Variants in RBM6 observed in about 807,000 individuals in gnomAD.
RBM6 encodes the protein RNA-binding protein 6.
RBM6 carries 23 observed loss-of-function variants against 140.4 expected under a neutral mutation model. The observed-to-expected ratio is 0.16, with a 90% CI of 0.12 to 0.23. The LOEUF (loss-of-function observed/expected upper bound fraction) is 0.23, where lower values mean the gene tolerates loss of function less well. Among genes scored for constraint, RBM6 ranks in the 10% least tolerant of loss-of-function variants. RBM6 has a pLI of 1.00. For missense variants in RBM6, 1,139 were observed against 1,386.7 expected (o/e 0.82, Z 2.84); for synonymous variants, 439 against 475.6 (o/e 0.92, Z 1.00).
chr3:49,980,009 T>A lies in RBM6; in HGVS notation c.1483+4617T>A, dbSNP rs74720219. On this transcript the variant is annotated intron_variant, in intron 5 of 20. Transcript: ENST00000266022. Reference sequence around the variant, plus strand: ...GTTAGAGAACATCTTTTTTCTTTTCTTTTTTTTTTTAAACGGAGTCTCGTT... The same window carrying A: ...GTTAGAGAACATCTTTTTTCTTTTCATTTTTTTTTTAAACGGAGTCTCGTT... Among the ~76,000 whole-genome samples the A allele has an allele frequency of 3.4e-3, 496 of 147,308 alleles. 4 individuals are homozygous for A. Among genetic ancestry groups the A allele is most frequent in the African/African-American group, 0.012 (486 of 40,502 alleles).
In RBM6 at chr3:49,942,098, C is replaced by CAA. The variant is rs71631037; in HGVS notation, c.-67+1885_-67+1886dup. Reference sequence around the variant, plus strand: ...CCTGGGCCACAGAACAAGACTGTCTCAAAAAAAAAAAAATCAATTAAATAA... The same window carrying CAA: ...CCTGGGCCACAGAACAAGACTGTCTCAAAAAAAAAAAAAAATCAATTAAATAA... On this transcript the variant is annotated intron_variant, in intron 1 of 20. Transcript: ENST00000266022. Among the ~76,000 whole-genome samples the CAA allele has an allele frequency of 8.4e-3, 1,166 of 138,956 alleles. 19 individuals are homozygous for CAA. Among genetic ancestry groups the CAA allele is most frequent in the African/African-American group, 0.027 (1,015 of 38,094 alleles). 91.2% of individuals were successfully genotyped at this position (138,956 alleles called of 152,430 possible).
chr3:50,004,030 A>G (rs999158408), intron 6 of RBM6, among the ~76,000 whole-genome samples: 2 of 152,094 alleles, frequency 1.3e-5, no homozygotes, highest in Non-Finnish European at 2.9e-5. Flanking sequence ...AGTAAGAAGT[A>G]TTGTGTTAAA....
intron 4 of RBM6, among the ~76,000 whole-genome samples, chr3:49,972,909 C>T (rs1285244980): frequency 6.6e-6 from 1 of 151,436 alleles, no homozygotes; most frequent in Non-Finnish European, 1.5e-5. Context: ...TGGTGCACTG[C>T]AACCTCCACC....
At chr3:50,042,777 G>T (rs1271956517) in intron 6 of RBM6, among the ~76,000 whole-genome samples, 1 of 152,044 alleles carries the variant, frequency 6.6e-6, no homozygotes, top group African/African-American at 2.4e-5. Context: ...TATCCTTGAT[G>T]ATTGGTTTTG....
intron 4 of RBM6, among the ~76,000 whole-genome samples, chr3:49,974,229 T>C (rs537747603): frequency 6.6e-6 from 1 of 151,834 alleles, no homozygotes; most frequent in African/African-American, 2.4e-5. Flanking sequence ...AATTTTTAAA[T>C]ATTTATTTAT....
In RBM6 at chr3:50,054,526, G is replaced by A. The variant is rs929162433; in HGVS notation, c.1693+131G>A. 21 of 780,858 alleles carry A rather than the reference G, an allele frequency of 2.7e-5. No individual in the cohort carries two copies. In the African/African-American group the frequency reaches 3.6e-4, roughly 13 times the overall value. 48.4% of individuals were successfully genotyped at this position (780,858 alleles called of 1,614,324 possible). On this transcript the variant is annotated intron_variant, in intron 8 of 20. Coordinates refer to ENST00000266022, the MANE Select transcript of RBM6 (RefSeq NM_005777.3). ...TACAAACCTTTTTTTTTTTTTTTGA[G>A]ATGGAGTCTCGCTGTGTTGCCCAGG...
chr3:49,971,279 A>AC (rs1016840826), intron 3 of RBM6, among the ~76,000 whole-genome samples: 10 of 149,302 alleles, frequency 6.7e-5, no homozygotes, highest in African/African-American at 2.5e-4. Flanking sequence ...AAAAAAAAAA[A>AC]AAAACGAAAA....
At chr3:49,941,596 C>G (rs527706813) in intron 1 of RBM6, among the ~76,000 whole-genome samples, 3 of 138,818 alleles carry the variant, frequency 2.2e-5, no homozygotes, top group African/African-American at 8.5e-5. Flanking sequence ...GCTGAGATTG[C>G]TCCATTGCAC....
intron 1 of RBM6, among the ~76,000 whole-genome samples, chr3:49,948,827 ATTT>A (rs767843268): frequency 5.1e-5 from 5 of 98,866 alleles, no homozygotes; most frequent in Non-Finnish European, 1.0e-4. Flanking sequence ...TACATACCCA[ATTT>A]TTTTTTTTTT....
At chr3:49,976,037 G>T (rs1404231287) in intron 5 of RBM6, among the ~76,000 whole-genome samples, 1 of 152,064 alleles carries the variant, frequency 6.6e-6, no homozygotes, top group Non-Finnish European at 1.5e-5. Context: ...GAAATGCCAA[G>T]AACTCAAGGT....
intron 7 of RBM6, among the ~76,000 whole-genome samples, chr3:50,053,792 A>G (rs1406066226): frequency 6.6e-6 from 1 of 152,208 alleles, no homozygotes; most frequent in Non-Finnish European, 1.5e-5. Context: ...AATTACATTC[A>G]CATTAAAAAT....
intron 1 of RBM6, among the ~76,000 whole-genome samples, chr3:49,952,157 C>T (rs1214513398): frequency 1.3e-5 from 2 of 151,994 alleles, no homozygotes; most frequent in Admixed American, 6.6e-5. Context: ...GCCTCAGCCT[C>T]CCGAGTATAT....
intron 4 of RBM6, 118 bp from the exon 5 acceptor site, chr3:49,975,205 T>G: frequency 2.3e-6 from 2 of 864,848 alleles, no homozygotes; most frequent in Non-Finnish European, 3.8e-6. Flanking sequence ...AGTTTAACTT[T>G]GCTTTTCCAA....
At chr3:50,061,875 C>G in intron 14 of RBM6, 87 bp from the exon 15 acceptor site, 1 of 1,506,172 alleles carries the variant, frequency 6.6e-7, no homozygotes, top group Non-Finnish European at 8.9e-7. Flanking sequence ...TGTTTCTTCC[C>G]CTAAAAGGGA....
chr3:50,009,944 G>A (rs1381162482), intron 6 of RBM6, among the ~76,000 whole-genome samples: 2 of 151,646 alleles, frequency 1.3e-5, no homozygotes, highest in Non-Finnish European at 2.9e-5. Context: ...GCTGGAGTGC[G>A]ATGGCACAGT....
At position 50,033,409 on chromosome 3, in the gene RBM6, A is replaced by G. The variant is rs568917880; in HGVS notation, c.1558-14836A>G. ...CTGATGCTTTAAAACAAAACAGTAC[A>G]AAACTACTAAATTTATAATTAAATA... On this transcript the variant is annotated intron_variant, in intron 6 of 20. Coordinates refer to ENST00000266022, the MANE Select transcript of RBM6 (RefSeq NM_005777.3). Among the ~76,000 whole-genome samples the G allele has an allele frequency of 2.6e-5, 4 of 152,302 alleles. No homozygotes were observed. The East Asian group carries it at 7.7e-4, about 29-fold the overall frequency.
rs1050740390 is a variant in RBM6, at chr3:49,967,976, A to C, written c.551A>C (p.Asp184Ala). 6.2e-7 allele frequency: 1 copy of C among 1,613,992 alleles called. No homozygotes were observed. Among genetic ancestry groups the C allele is most frequent in the Non-Finnish European group, 8.5e-7 (1 of 1,180,026 alleles). Reference sequence around the variant, plus strand: ...AGGGGCCGGGGCACTTATGATTTAGATTTTAGAGGCCGGGATGGATCCCAT... The same window carrying C: ...AGGGGCCGGGGCACTTATGATTTAGCTTTTAGAGGCCGGGATGGATCCCAT... Reference protein sequence around the residue: ...DFRGRGTYDLDFRGRDGSHAD... With the variant: ...DFRGRGTYDLAFRGRDGSHAD... The change falls in exon 3 of 21, where the codon GAT (aspartate) becomes GCT (alanine). Residue 184 changes from aspartate (D) to alanine (A), a missense_variant. Asp to Ala is a moderately radical substitution (Grantham distance 126). Transcript: ENST00000266022. The surrounding 1 kb of genome is among the most constrained non-coding windows in gnomAD (Gnocchi z 4.0).
At chr3:50,056,658 G>A (rs1172593547) in intron 8 of RBM6, among the ~76,000 whole-genome samples, 1 of 152,132 alleles carries the variant, frequency 6.6e-6, no homozygotes, top group African/African-American at 2.4e-5. Context: ...CTTTAATCTG[G>A]AAACCTGTCA....
chr3:49,965,872 A>T (rs12631306), intron 2 of RBM6, among the ~76,000 whole-genome samples: 12,023 of 152,146 alleles, frequency 0.079, 520 homozygotes, highest in African/African-American at 0.11. Flanking sequence ...CACGCCTGTA[A>T]CCCTAACCTT....
Sources: gnomAD v4.1 joint callset for allele counts (sites outside exome capture counted in the v4.1 genomes callset) on GRCh38, gnomAD v4.1.1 for gene constraint, Gnocchi (gnomAD v3.1) non-coding constraint, MANE v1.5 for transcripts, NCBI Gene and HGNC (gene_info 2026-07-23, HGNC 2026-07-21) for gene names.